Variants in PARP9 observed in about 807,000 individuals in gnomAD.
The protein encoded by PARP9 is poly(ADP-ribose) polymerase family member 9, also known as protein mono-ADP-ribosyltransferase PARP9.
PARP9 carries 48 observed loss-of-function variants against 68.8 expected under a neutral mutation model. The observed-to-expected ratio is 0.70, with a 90% confidence interval of 0.55 to 0.89. PARP9 has a LOEUF of 0.89. Among genes scored for constraint, PARP9 ranks in the 40% least tolerant of loss-of-function variants. PARP9 has a pLI of 0.00. For synonymous variants in PARP9, 309 were observed against 333.8 expected, an observed-to-expected ratio of 0.93 and a Z score of 0.81; for missense variants, 806 against 969.3, an observed-to-expected ratio of 0.83 and a Z score of 2.24.
In PARP9 at chr3:122,541,352, T is replaced by C. The variant is rs1032240918; in HGVS notation, c.1385-500A>G. On this transcript the variant is annotated intron_variant, in intron 7 of 10. Transcript: ENST00000682323. ...CAACCTGTATCGTTTACAGCCTCCTTGGGAACACAGAGTTTAGCTTGTAAT... is the reference window on the plus strand; with the variant it reads ...CAACCTGTATCGTTTACAGCCTCCTCGGGAACACAGAGTTTAGCTTGTAAT... Among the ~76,000 whole-genome samples, 5 of 152,340 alleles carry C rather than the reference T, an allele frequency of 3.3e-5. No individual in the cohort carries two copies. In the East Asian group the frequency reaches 9.6e-4, roughly 29 times the overall value.
At chr3:122,563,519 T>C (rs1297518971) in intron 1 of PARP9, among the ~76,000 whole-genome samples, 1 of 152,184 alleles carries the variant, frequency 6.6e-6, no homozygotes, top group Non-Finnish European at 1.5e-5. Context: ...CTTTATCCTT[T>C]AAAAAATATG....
chr3:122,549,140 G>A (rs1576418958), intron 6 of PARP9, among the ~76,000 whole-genome samples: 2 of 151,486 alleles, frequency 1.3e-5, no homozygotes, highest in Admixed American at 1.3e-4. Flanking sequence ...TCAGCCTCCC[G>A]AGTAGCTGGG....
chr3:122,555,315 T>C lies in PARP9; in HGVS notation c.856A>G (p.Ile286Val). 1 of 1,613,522 alleles carries C rather than the reference T, an allele frequency of 6.2e-7. No individual in the cohort carries two copies. The highest frequency in any genetic ancestry group is 8.5e-7 in the Non-Finnish European group (1 of 1,179,590). ...AMVVNNLTLQ[I>V]VQGHIEWQTA... ...TGCCATTCAATGTGGCCCTGGACAA[T>C]CTGGAGGGTCAGGTTGTTCACGACC... Residue 286 changes from isoleucine to valine, a missense_variant, in exon 4 of 11, where the codon ATT (isoleucine) becomes GTT (valine). Around this residue, in one of 2 missense-constraint regions of PARP9, gnomAD observed 680 missense variants for 858.8 expected, o/e 0.79. Transcript: ENST00000682323.
intron 5 of PARP9, among the ~76,000 whole-genome samples, chr3:122,551,009 T>C (rs550077722): frequency 6.6e-6 from 1 of 152,014 alleles, no homozygotes; most frequent in Admixed American, 6.6e-5. Context: ...AGCAATAGAG[T>C]GGCCATCTTG....
chr3:122,559,561 T>C lies in PARP9; in HGVS notation c.15+45A>G, dbSNP rs763429408. 3.2e-6 allele frequency: 5 copies of C among 1,555,770 alleles called. No homozygotes were observed. The African/African-American group carries it at 4.1e-5, about 13-fold the overall frequency. ...TTGCTGTTATATAAAGAAGTATTCA[T>C]GTGCTGATCAAGGTTCATGACGTAT... On this transcript the variant is annotated intron_variant, in intron 2 of 10. Transcript: ENST00000682323.
chr3:122,554,546 A>G (rs910072584), intron 4 of PARP9, among the ~76,000 whole-genome samples: 1 of 152,236 alleles, frequency 6.6e-6, no homozygotes, highest in African/African-American at 2.4e-5. Flanking sequence ...TTATGTGCCA[A>G]GCACTACTCT....
intron 6 of PARP9, among the ~76,000 whole-genome samples, chr3:122,548,032 G>A (rs2078903355): frequency 6.6e-6 from 1 of 152,218 alleles, no homozygotes; most frequent in Non-Finnish European, 1.5e-5. Context: ...CCAGTTAGCT[G>A]TGGGTGAGGC....
At chr3:122,552,367 A>G (rs1356598987) in intron 5 of PARP9, 51 bp downstream of exon 5, 2 of 1,315,836 alleles carry the variant, frequency 1.5e-6, no homozygotes, top group Non-Finnish European at 2.1e-6. Context: ...TAAAAAAAAA[A>G]GACTGTATAG....
chr3:122,564,601 A>T, upstream of PARP9: 1 of 1,597,274 alleles, frequency 6.3e-7, no homozygotes, highest in Non-Finnish European at 8.5e-7. Context: ...GGTGGAGTTC[A>T]GTGAAAGGGC....
chr3:122,540,307 A>C (rs1055752150), intron 8 of PARP9, among the ~76,000 whole-genome samples, 165 bp downstream of exon 8: 6 of 152,212 alleles, frequency 3.9e-5, no homozygotes, highest in African/African-American at 1.4e-4. Flanking sequence ...GTCAAAAGAG[A>C]GCAAAAAAAT....
At position 122,536,001 on chromosome 3, in the gene PARP9, A is replaced by C. The variant is rs2107576014; in HGVS notation, c.2080+167T>G. 2.0e-6 allele frequency: 3 copies of C among 1,512,498 alleles called. No homozygotes were observed. The East Asian group carries it at 6.8e-5, about 35-fold the overall frequency. The allele number at this position is 1,512,498 out of a possible 1,614,324, so 93.7% of individuals were successfully genotyped here. ...ATACGAAGGAAAAGTAAAAAATACC[A>C]CTCTTTCCAAAATACTTTGTGACCT... On this transcript the variant is annotated intron_variant, in intron 10 of 10. Coordinates refer to ENST00000682323, the MANE Select transcript of PARP9 (RefSeq NM_001146105.2).
intron 9 of PARP9, 152 bp downstream of exon 9, chr3:122,536,782 C>G (rs2077678255): frequency 2.2e-6 from 2 of 894,664 alleles, no homozygotes; most frequent in Non-Finnish European, 3.4e-6. Context: ...CGTGCCTGCC[C>G]TGCCCTGCTC....
chr3:122,543,403 G>A (rs1005276182), intron 7 of PARP9, among the ~76,000 whole-genome samples: 3 of 150,630 alleles, frequency 2.0e-5, no homozygotes, highest in Admixed American at 6.6e-5. Context: ...TCAGCCTCCC[G>A]AGTAGCTGGG....
At chr3:122,530,470 A>G (rs2077231890) in intron 10 of PARP9, among the ~76,000 whole-genome samples, 1 of 151,990 alleles carries the variant, frequency 6.6e-6, no homozygotes, top group African/African-American at 2.4e-5. Context: ...TATTCCCACC[A>G]CTAGAAATGA....
chr3:122,536,773 G>A (rs2077677196), intron 9 of PARP9, 161 bp downstream of exon 9: 14 of 782,190 alleles, frequency 1.8e-5, no homozygotes, highest in Non-Finnish European at 2.4e-5. Context: ...TATATCCCTC[G>A]TGCCTGCCCT....
At chr3:122,531,273 T>C (rs959692994) in intron 10 of PARP9, among the ~76,000 whole-genome samples, 1 of 152,248 alleles carries the variant, frequency 6.6e-6, no homozygotes, top group African/African-American at 2.4e-5. Flanking sequence ...AGTCTCATCA[T>C]GTAAACAGAT....
Position 122,552,523 on chromosome 3 carries a change from A to G in PARP9, c.1002T>C (p.Ala334=). 3 of 1,614,154 alleles carry G rather than the reference A, an allele frequency of 1.9e-6. No individual in the cohort carries two copies. Among genetic ancestry groups the G allele is most frequent in the Non-Finnish European group, 2.5e-6 (3 of 1,180,004 alleles). ...CCAACTGGGACCGTTGAAACTGTTTAGCCTTTGTGGCAAGAAATTCCGATT... is the reference window on the plus strand; with the variant it reads ...CCAACTGGGACCGTTGAAACTGTTTGGCCTTTGTGGCAAGAAATTCCGATT... ...EMKSEFLATK[A]KQFQRSQLVL... is the part of the protein sequence containing the mutation. The change falls in exon 5 of 11, where the codon GCT becomes GCC. Residue 334 remains alanine, a synonymous_variant. Coordinates refer to ENST00000682323, the MANE Select transcript of PARP9 (RefSeq NM_001146105.2).
intron 10 of PARP9, chr3:122,534,265 C>T: frequency 1.1e-6 from 1 of 944,980 alleles, no homozygotes; most frequent in Non-Finnish European, 1.3e-6. Flanking sequence ...AACCACAAGC[C>T]TGGTTGCAAC....
At position 122,558,486 on chromosome 3, in the gene PARP9, G is replaced by A; in HGVS notation, c.16-19C>T. The A allele has an allele frequency of 6.2e-7, 1 of 1,612,752 alleles. No homozygotes were observed. The highest frequency in any genetic ancestry group is 8.5e-7 in the Non-Finnish European group (1 of 1,179,236). On this transcript the variant is annotated intron_variant, in intron 2 of 10. Transcript: ENST00000682323. ...CGGCCACCTGTGAAAAATGAGAATG[G>A]CTTTCTTAAAAAATGGAAGTGGAAT...
Sources: gnomAD v4.1 joint callset for allele counts (sites outside exome capture counted in the v4.1 genomes callset) on GRCh38, gnomAD v4.1.1 for gene constraint, gnomAD v4.1.1 regional missense constraint, MANE v1.5 for transcripts, NCBI Gene and HGNC (gene_info 2026-07-23, HGNC 2026-07-21) for gene names.